FAM193A: variants seen among roughly 807,000 people sequenced by gnomAD.
FAM193A encodes family with sequence similarity 193 member A, also known as protein FAM193A.
FAM193A carries 22 observed loss-of-function variants against 126.5 expected under a neutral mutation model. The observed-to-expected ratio is 0.17, with a 90% CI of 0.12 to 0.25. The LOEUF is 0.25. FAM193A is among the 10% of genes least tolerant of loss of function. The probability of loss-of-function intolerance (pLI) is 1.00; values close to 1 mark genes in which losing one functional copy is unlikely to be tolerated. For missense variants in FAM193A, 1,675 were observed against 1,672.8 expected, an observed-to-expected ratio of 1.00 and a Z score of -0.02; for synonymous variants, 761 against 646.8, an observed-to-expected ratio of 1.18 and a Z score of -2.68.
At chr4:2,699,276 G>A (rs1447273379) in intron 18 of FAM193A, among the ~76,000 whole-genome samples, 1 of 152,140 alleles carries the variant, frequency 6.6e-6, no homozygotes, top group Non-Finnish European at 1.5e-5. Flanking sequence ...GGCAGTCTGT[G>A]GTATTGGTTA....
intron 1 of FAM193A, among the ~76,000 whole-genome samples, chr4:2,539,793 C>G (rs761935288): frequency 1.3e-5 from 2 of 152,052 alleles, no homozygotes; most frequent in African/African-American, 2.4e-5. Flanking sequence ...CACATAAACA[C>G]AAAAATTTCA....
At chr4:2,675,130 G>T (rs79466074) in intron 13 of FAM193A, among the ~76,000 whole-genome samples, 2,605 of 152,118 alleles carry the variant, frequency 0.017, 45 homozygotes, top group South Asian at 0.088. Context: ...CTGGTTTTTT[G>T]AGTTTATTAA....
chr4:2,683,492 C>T (rs1037878074), intron 13 of FAM193A, among the ~76,000 whole-genome samples: 1 of 152,170 alleles, frequency 6.6e-6, no homozygotes, highest in Non-Finnish European at 1.5e-5. Context: ...TGAGGTTTCA[C>T]CATGTTGGCC....
At chr4:2,602,225 A>AC (rs1741240575) in intron 2 of FAM193A, among the ~76,000 whole-genome samples, 1 of 151,816 alleles carries the variant, frequency 6.6e-6, no homozygotes, top group Non-Finnish European at 1.5e-5. Flanking sequence ...AAAAAAAAAA[A>AC]ATTTAGAGGC....
intron 20 of FAM193A, among the ~76,000 whole-genome samples, chr4:2,728,657 C>T (rs1721024458): frequency 6.6e-6 from 1 of 152,066 alleles, no homozygotes; most frequent in South Asian, 2.1e-4. Context: ...TGGTCTCATG[C>T]ATGTCTGTGT....
At position 2,726,416 on chromosome 4, in the gene FAM193A, C is replaced by T. The variant is rs960231971; in HGVS notation, c.4455-5359C>T. On this transcript the variant is annotated intron_variant, in intron 20 of 20. Transcript: ENST00000637812. ...TAAAAACTTGAGTTGTTCTTTCTAA[C>T]CCCCTTCCCTTTCTAAAGAGGCAAG... Among the ~76,000 whole-genome samples the T allele has an allele frequency of 4.6e-5, 7 of 152,174 alleles. No homozygotes were observed. In the East Asian group the frequency reaches 1.2e-3, roughly 25 times the overall value.
intron 20 of FAM193A, among the ~76,000 whole-genome samples, chr4:2,731,181 A>G: frequency 2.3e-5 from 3 of 128,856 alleles, no homozygotes; most frequent in African/African-American, 6.1e-5. Context: ...GGATGACAAG[A>G]GCGAAACTCC....
At chr4:2,638,327 G>A (rs150706811) in intron 5 of FAM193A, among the ~76,000 whole-genome samples, 426 of 152,358 alleles carry the variant, frequency 2.8e-3, no homozygotes, top group African/African-American at 7.8e-3. Flanking sequence ...TGGGCAGCAT[G>A]GGCTTGGCAT....
rs1045357116 is a variant in FAM193A, at chr4:2,659,827, C to T, written c.1518C>T (p.Asp506=). The T allele has an allele frequency of 6.2e-7, 1 of 1,614,182 alleles. No individual in the cohort carries two copies. Among genetic ancestry groups the T allele is most frequent in the Non-Finnish European group, 8.5e-7 (1 of 1,180,036 alleles). Residue 506 remains aspartate (D), a synonymous_variant, in exon 10 of 21, where the codon GAC becomes GAT. Coordinates refer to ENST00000637812, the MANE Select transcript of FAM193A (RefSeq NM_001366318.2). ...TCCTGATCAGATGTGCTTGCGATGA[C>T]TGCAGTCTCTCACACATCCTCACGT... ...CNYRRRCACD[D]CSLSHILTCG...
At chr4:2,699,601 A>C in intron 18 of FAM193A, 79 bp from the exon 19 acceptor site, 7 of 1,429,112 alleles carry the variant, frequency 4.9e-6, no homozygotes, top group Non-Finnish European at 6.6e-6. Context: ...TTCGTTTTTG[A>C]AATTATCTTA....
chr4:2,568,724 G>T (rs1227405565), intron 1 of FAM193A, among the ~76,000 whole-genome samples: 1 of 152,168 alleles, frequency 6.6e-6, no homozygotes, highest in East Asian at 1.9e-4. Flanking sequence ...GAAAAAGGAG[G>T]AGTGATTATT....
intron 1 of FAM193A, among the ~76,000 whole-genome samples, chr4:2,555,732 C>T (rs1017408623): frequency 2.0e-5 from 3 of 152,170 alleles, no homozygotes; most frequent in Admixed American, 2.0e-4. Flanking sequence ...GTTCTCCTGC[C>T]TCAGCCTCCG....
chr4:2,557,473 C>G (rs957991283), intron 1 of FAM193A, among the ~76,000 whole-genome samples: 1 of 152,230 alleles, frequency 6.6e-6, no homozygotes, highest in African/African-American at 2.4e-5. Context: ...TGTCCTGTTT[C>G]TGTTCCAGGA....
chr4:2,589,504 T>G (rs1740404872), intron 1 of FAM193A, among the ~76,000 whole-genome samples: 1 of 152,230 alleles, frequency 6.6e-6, no homozygotes, highest in Non-Finnish European at 1.5e-5. Flanking sequence ...CAGTCACTGT[T>G]GAATTTTATT....
At chr4:2,625,602 GAGA>G (rs750924183) in intron 3 of FAM193A, 59 of 405,636 alleles carry the variant, frequency 1.5e-4, no homozygotes, top group Non-Finnish European at 2.1e-4. Flanking sequence ...CTCAGAACAA[GAGA>G]AGGAGTCCTT....
chr4:2,657,669 CTTTA>C (rs1195573928), intron 7 of FAM193A, 130 bp from the exon 8 acceptor site: 2 of 610,384 alleles, frequency 3.3e-6, no homozygotes, highest in African/African-American at 3.7e-5. Context: ...AGTATTGTAT[CTTTA>C]TTCTGTTTGC....
At chr4:2,590,328 G>A (rs1740458184) in intron 1 of FAM193A, among the ~76,000 whole-genome samples, 1 of 150,990 alleles carries the variant, frequency 6.6e-6, no homozygotes, top group South Asian at 2.1e-4. Flanking sequence ...GTCTGGGCGT[G>A]GTGGCTCCTG....
chr4:2,550,436 GTTTGTTTGTTTA>G (rs1305974496), intron 1 of FAM193A, among the ~76,000 whole-genome samples: 2 of 151,748 alleles, frequency 1.3e-5, no homozygotes, highest in East Asian at 3.9e-4. Flanking sequence ...TCGTTTGTTT[GTTTGTTTGTTTA>G]TTTTTGAGGC....
chr4:2,590,718 A>G (rs576714307), intron 1 of FAM193A, among the ~76,000 whole-genome samples: 169 of 151,886 alleles, frequency 1.1e-3, no homozygotes, highest in Non-Finnish European at 1.9e-3. Context: ...TAATGAATAT[A>G]TGATAGTCTA....
Sources: gnomAD v4.1 joint callset for allele counts (sites outside exome capture counted in the v4.1 genomes callset) on GRCh38, gnomAD v4.1.1 for gene constraint, MANE v1.5 for transcripts, NCBI Gene and HGNC (gene_info 2026-07-23, HGNC 2026-07-21) for gene names.